The following CCP110 variants were observed in gnomAD, a reference collection of about 807,000 sequenced individuals.
The protein encoded by CCP110 is centriolar coiled-coil protein 110.
CCP110 carries 43 observed loss-of-function variants against 105.5 expected under a neutral mutation model. The observed-to-expected ratio is 0.41, with a 90% CI of 0.32 to 0.53. CCP110 has a LOEUF of 0.53. CCP110 is among the 20% of genes least tolerant of loss of function. CCP110 has a pLI of 0.32. For synonymous variants in CCP110, 353 were observed against 392.1 expected (o/e 0.90, Z 1.18); for missense variants, 1,016 against 1,189.1 (o/e 0.85, Z 2.14).
intron 14 of CCP110, among the ~76,000 whole-genome samples, chr16:19,550,729 T>TAA (rs1188747165): frequency 1.3e-5 from 2 of 152,256 alleles, no homozygotes; most frequent in Admixed American, 1.3e-4. Context: ...TCTAAAATGT[T>TAA]AAAGTATGCT....
chr16:19,541,969 T>C (rs1970303079), exon 6 of CCP110: 5 of 1,611,978 alleles, frequency 3.1e-6, no homozygotes, highest in Non-Finnish European at 4.2e-6. Context: ...AACAATGCAG[T>C]GGAATTAGAA....
chr16:19,549,805 C>G (rs986843543), intron 14 of CCP110, among the ~76,000 whole-genome samples: 1 of 152,140 alleles, frequency 6.6e-6, no homozygotes, highest in Non-Finnish European at 1.5e-5. Flanking sequence ...TGCCTGATAC[C>G]AATTTGCCAC....
exon 1 of CCP110, chr16:19,524,062 G>A: frequency 6.5e-6 from 1 of 153,540 alleles, no homozygotes; most frequent in Non-Finnish European, 1.5e-5. Flanking sequence ...CGAGGGGAGA[G>A]GAGCTGAAGG....
intron 10 of CCP110, 98 bp downstream of exon 10, chr16:19,545,308 A>G (rs927747221): frequency 1.7e-6 from 1 of 594,430 alleles, no homozygotes; most frequent in Admixed American, 2.8e-5. Context: ...TTCTTCTGAT[A>G]ATTCTTAAGC....
chr16:19,524,366 G>T (rs1969594213), intron 1 of CCP110, among the ~76,000 whole-genome samples: 1 of 152,166 alleles, frequency 6.6e-6, no homozygotes, highest in South Asian at 2.1e-4. Flanking sequence ...GGGCGCTGGG[G>T]AGAGGGCAGG....
chr16:19,546,526 AAAAAAAT>A, intron 12 of CCP110, 52 bp downstream of exon 12: 2 of 1,157,510 alleles, frequency 1.7e-6, no homozygotes, highest in Non-Finnish European at 2.6e-6. Flanking sequence ...TTTATAGAAA[AAAAAAAT>A]TGGCTGGGCA....
chr16:19,541,911 T>C (rs375351899), exon 6 of CCP110: 1 of 1,595,306 alleles, frequency 6.3e-7, no homozygotes, highest in Non-Finnish European at 8.5e-7. Context: ...GGAGAAAATG[T>C]TAAAAGAGAA....
chr16:19,552,739 CT>C (rs1386742905), exon 15 of CCP110: 1 of 151,906 alleles, frequency 6.6e-6, no homozygotes, highest in Non-Finnish European at 1.5e-5. Context: ...TCTTAATATC[CT>C]TTTAAGAATA....
At chr16:19,544,535 A>G (rs1434019971) in intron 8 of CCP110, among the ~76,000 whole-genome samples, 5 of 152,216 alleles carry the variant, frequency 3.3e-5, no homozygotes, top group Admixed American at 3.3e-4. Flanking sequence ...CATAGCATGT[A>G]CATTTATTAG....
At chr16:19,542,094 G>T in intron 6 of CCP110, 30 bp downstream of exon 6, 12 of 1,419,888 alleles carry the variant, frequency 8.5e-6, no homozygotes, top group Non-Finnish European at 1.2e-5. Flanking sequence ...TTTACATTTG[G>T]GAAAGTGATC....
At chr16:19,534,726 C>A (rs575822034) in intron 3 of CCP110, among the ~76,000 whole-genome samples, 1 of 151,944 alleles carries the variant, frequency 6.6e-6, no homozygotes, top group South Asian at 2.1e-4. Flanking sequence ...GAGGTTGTGA[C>A]TAAGTATGTC....
chr16:19,540,704 C>A (rs142593876), exon 5 of CCP110: 8 of 1,611,790 alleles, frequency 5.0e-6, no homozygotes, highest in Non-Finnish European at 5.1e-6. Context: ...TGAAGAAATG[C>A]GGAAGAGACT....
intron 4 of CCP110, among the ~76,000 whole-genome samples, chr16:19,538,217 C>T (rs1187361988): frequency 6.6e-6 from 1 of 151,214 alleles, no homozygotes; most frequent in Non-Finnish European, 1.5e-5. Context: ...GCCATCATGC[C>T]TGGATGGATC....
intron 2 of CCP110, among the ~76,000 whole-genome samples, chr16:19,531,880 C>T (rs13330940): frequency 0.17 from 25,139 of 151,464 alleles, 3,159 homozygotes; most frequent in East Asian, 0.39. Context: ...GCAGGAGAAT[C>T]GCTTGAACCC....
At position 19,532,559 on chromosome 16, in the gene CCP110, C is replaced by T; in HGVS notation, c.270+15C>T. 1 of 1,567,846 alleles carries T rather than the reference C, an allele frequency of 6.4e-7. No homozygotes were observed. Among genetic ancestry groups the T allele is most frequent in the Non-Finnish European group, 8.6e-7 (1 of 1,163,702 alleles). ...ACAATGTTCAGGTGTGTGATTTTAGCTGTTTCAGTTATAATAAAGAAATCA... is the reference window on the plus strand; with the variant it reads ...ACAATGTTCAGGTGTGTGATTTTAGTTGTTTCAGTTATAATAAAGAAATCA... On this transcript the variant is annotated intron_variant, in intron 3 of 14. Transcript: ENST00000381396.
intron 8 of CCP110, among the ~76,000 whole-genome samples, chr16:19,543,569 G>A (rs114286029): frequency 7.2e-4 from 110 of 152,264 alleles, no homozygotes; most frequent in African/African-American, 2.2e-3. Flanking sequence ...CTGCGAGGTC[G>A]GGCAAAATAG....
rs1970241674 is a variant in CCP110, at chr16:19,540,589, T to C, written c.1919-68T>C. 10 of 1,268,254 alleles carry C rather than the reference T, an allele frequency of 7.9e-6. No homozygotes were observed. In the Admixed American group the frequency reaches 1.7e-4, roughly 22 times the overall value. 78.6% of individuals were successfully genotyped at this position (1,268,254 alleles called of 1,614,324 possible). On this transcript the variant is annotated intron_variant, in intron 4 of 14. Coordinates refer to ENST00000381396, the Ensembl canonical transcript of CCP110. ...CTCTTGTCAGAAGGATAATTTAAAT[T>C]GATGGTATAAAATATCAGACATTAG...
intron 2 of CCP110, among the ~76,000 whole-genome samples, chr16:19,528,232 A>C (rs1170621454): frequency 3.3e-5 from 5 of 152,234 alleles, no homozygotes; most frequent in Non-Finnish European, 5.9e-5. Flanking sequence ...GAGAAAATGC[A>C]CTTTTAATGC....
intron 4 of CCP110, 25 bp downstream of exon 4, chr16:19,537,612 T>C: frequency 1.5e-6 from 2 of 1,299,006 alleles, no homozygotes; most frequent in Non-Finnish European, 2.1e-6. Context: ...AAGCGTTTGA[T>C]ACCTTCTATG....
Sources: gnomAD v4.1 joint callset for allele counts (sites outside exome capture counted in the v4.1 genomes callset) on GRCh38, gnomAD v4.1.1 for gene constraint, MANE v1.5 for transcripts, NCBI Gene and HGNC (gene_info 2026-07-23, HGNC 2026-07-21) for gene names.